Variants in PCDH15 observed in about 807,000 individuals in gnomAD.
PCDH15 encodes protocadherin-15.
In PCDH15, 129 loss-of-function variants were observed where a neutral mutation model predicts 178.5. The ratio of observed to expected loss-of-function variants is 0.72; its 90% CI spans 0.63 to 0.84. The LOEUF (loss-of-function observed/expected upper bound fraction) is 0.84. Ranked by LOEUF, PCDH15 falls within the 40% of genes least tolerant of loss-of-function variation. PCDH15 has a pLI of 0.00. For synonymous variants in PCDH15, 800 were observed against 732.0 expected (o/e 1.09, Z -1.50); for missense variants, 2,230 against 2,099.9 (o/e 1.06, Z -1.21).
chr10:54,778,542 CATTTA>C (rs1949948488), intron 1 of PCDH15, among the ~76,000 whole-genome samples: 1 of 152,158 alleles, frequency 6.6e-6, no homozygotes, highest in South Asian at 2.1e-4. Flanking sequence ...AGTCAGGTTT[CATTTA>C]ATTTACACTT....
intron 15 of PCDH15, among the ~76,000 whole-genome samples, chr10:54,108,910 G>A (rs910305670): frequency 6.6e-6 from 1 of 152,118 alleles, no homozygotes; most frequent in Non-Finnish European, 1.5e-5. Context: ...CCTCTGCCTT[G>A]AAGAGAAGAA....
intron 14 of PCDH15, among the ~76,000 whole-genome samples, chr10:54,152,505 G>A (rs183131998): frequency 6.6e-6 from 1 of 151,612 alleles, no homozygotes; most frequent in Non-Finnish European, 1.5e-5. Context: ...AGGACTCCAG[G>A]ATACATTCAT....
At chr10:55,353,825 G>A (rs778281332) in intron 2 of PCDH15, among the ~76,000 whole-genome samples, 3 of 152,012 alleles carry the variant, frequency 2.0e-5, no homozygotes, top group Non-Finnish European at 2.9e-5. Context: ...GTACTGTCCC[G>A]TGGGTTGTAT....
intron 1 of PCDH15, among the ~76,000 whole-genome samples, chr10:55,252,005 A>G (rs112716429): frequency 6.6e-6 from 1 of 152,312 alleles, no homozygotes; most frequent in African/African-American, 2.4e-5. Flanking sequence ...TTCTGCTCCT[A>G]TAAGTTCAGA....
At chr10:55,449,852 T>C (rs1265188938) in intron 2 of PCDH15, among the ~76,000 whole-genome samples, 1 of 152,092 alleles carries the variant, frequency 6.6e-6, no homozygotes, top group Admixed American at 6.6e-5. Context: ...AAGTGTTCAG[T>C]TGTGCCAGAA....
chr10:54,645,136 T>C (rs2094099357), intron 2 of PCDH15, among the ~76,000 whole-genome samples: 2 of 152,190 alleles, frequency 1.3e-5, no homozygotes. Context: ...TACAAAATTT[T>C]CAGTAAATGA....
intron 2 of PCDH15, among the ~76,000 whole-genome samples, chr10:55,377,146 T>TAAAAAAAA (rs398054373): frequency 1.9e-5 from 2 of 105,342 alleles, no homozygotes; most frequent in Non-Finnish European, 2.0e-5. Flanking sequence ...CTTTCTTCAC[T>TAAAAAAAA]AAAAAAAAAA....
In PCDH15 at chr10:54,921,174, A is replaced by T. The variant is rs1262155318; in HGVS notation, c.-79-23674T>A. ...TAAATTCTTGCATCTTACCAATCTC[A>T]ATTTTCCATGCTATTTAGAGTTGAA... On this transcript the variant is annotated intron_variant, in intron 2 of 5. Coordinates refer to the PCDH15 transcript ENST00000458638. Among the ~76,000 whole-genome samples the T allele has an allele frequency of 2.6e-5, 4 of 152,260 alleles. No homozygotes were observed. The East Asian group carries it at 7.7e-4, about 29-fold the overall frequency.
rs539749207 is a variant in PCDH15 at position 54,427,364 on chromosome 10, C to T, written c.158-48422G>A. The stretch of plus-strand genomic sequence containing the variant: ...CATGATCTCGGCTCACTGCAACCTC[C>T]GCCTCCTGGGTTCAATTGATTCTCC... On this transcript the variant is annotated intron_variant, in intron 3 of 37. Coordinates refer to ENST00000644397, the MANE Select transcript of PCDH15 (RefSeq NM_001384140.1). Among the ~76,000 whole-genome samples, 236 of 148,598 alleles carry T rather than the reference C, an allele frequency of 1.6e-3. 1 individual carries two copies. The highest frequency in any genetic ancestry group is 5.3e-3 in the African/African-American group (211 of 40,110).
intron 2 of PCDH15, among the ~76,000 whole-genome samples, chr10:55,502,315 G>A (rs1038308574): frequency 3.3e-5 from 5 of 151,548 alleles, no homozygotes; most frequent in African/African-American, 1.2e-4. Flanking sequence ...TCCATTGGCA[G>A]TAACAGCCCT....
intron 2 of PCDH15, among the ~76,000 whole-genome samples, chr10:54,529,558 T>C (rs1374262232): frequency 1.3e-5 from 2 of 152,142 alleles, no homozygotes; most frequent in Non-Finnish European, 2.9e-5. Flanking sequence ...ACATCCTTTA[T>C]TGAGAATTAA....
chr10:55,544,135 C>CAT (rs776630410), intron 2 of PCDH15, among the ~76,000 whole-genome samples: 5,575 of 95,054 alleles, frequency 0.059, 182 homozygotes, highest in African/African-American at 0.074. Flanking sequence ...AAATCTTATA[C>CAT]ATACATATAT....
intron 14 of PCDH15, among the ~76,000 whole-genome samples, chr10:54,145,893 T>C (rs2043859459): frequency 6.6e-6 from 1 of 152,082 alleles, no homozygotes; most frequent in African/African-American, 2.4e-5. Context: ...CACACTACTT[T>C]GTTTTGTTTC....
intron 3 of PCDH15, among the ~76,000 whole-genome samples, chr10:54,821,315 C>A (rs755093131): frequency 1.1e-4 from 17 of 151,884 alleles, no homozygotes; most frequent in Non-Finnish European, 2.5e-4. Flanking sequence ...TTATGTCAAA[C>A]CCTGACCCAA....
At chr10:55,414,409 C>T (rs943603911) in intron 2 of PCDH15, among the ~76,000 whole-genome samples, 1 of 151,450 alleles carries the variant, frequency 6.6e-6, no homozygotes, top group Non-Finnish European at 1.5e-5. Flanking sequence ...TTTCTAGTGC[C>T]ACTGAAATTT....
intron 2 of PCDH15, among the ~76,000 whole-genome samples, chr10:54,572,764 A>C (rs2133607806): frequency 6.6e-6 from 1 of 152,288 alleles, no homozygotes; most frequent in East Asian, 1.9e-4. Flanking sequence ...GCTTGTAGAA[A>C]GCATTGAAAA....
At chr10:54,470,418 C>A (rs570230367) in intron 3 of PCDH15, among the ~76,000 whole-genome samples, 1 of 151,982 alleles carries the variant, frequency 6.6e-6, no homozygotes, top group Non-Finnish European at 1.5e-5. Context: ...AGGTCAGTGG[C>A]GTTCTAGGAA....
intron 2 of PCDH15, among the ~76,000 whole-genome samples, chr10:55,090,663 G>T (rs760003806): frequency 6.6e-6 from 1 of 151,944 alleles, no homozygotes; most frequent in South Asian, 2.1e-4. Flanking sequence ...TCTTTGACAT[G>T]ACACACTTCA....
intron 3 of PCDH15, among the ~76,000 whole-genome samples, chr10:54,890,620 C>T (rs1038014707): frequency 6.6e-6 from 1 of 151,928 alleles, no homozygotes; most frequent in Non-Finnish European, 1.5e-5. Context: ...CACAGATCCT[C>T]ATGAAGGTAA....
Sources: gnomAD v4.1 joint callset for allele counts (sites outside exome capture counted in the v4.1 genomes callset) on GRCh38, gnomAD v4.1.1 for gene constraint, MANE v1.5 for transcripts, NCBI Gene and HGNC (gene_info 2026-07-23, HGNC 2026-07-21) for gene names.